ARHGAP17: variants seen among roughly 807,000 people sequenced by gnomAD.
ARHGAP17 encodes the protein Rho GTPase activating protein 17, also known as rho GTPase-activating protein 17.
Under a neutral mutation model 99.5 loss-of-function variants are expected in ARHGAP17, and 57 were observed. The observed-to-expected ratio is 0.57, with a 90% CI of 0.46 to 0.71. ARHGAP17 has a LOEUF of 0.71. ARHGAP17 is among the 30% of genes least tolerant of loss of function. The pLI is 0.00. For missense variants in ARHGAP17, 1,000 were observed against 1,122.4 expected, an observed-to-expected ratio of 0.89 and a Z score of 1.56; for synonymous variants, 417 against 429.6, an observed-to-expected ratio of 0.97 and a Z score of 0.36.
chr16:24,982,671 T>C (rs1204094683), intron 1 of ARHGAP17, among the ~76,000 whole-genome samples: 1 of 152,100 alleles, frequency 6.6e-6, no homozygotes, highest in Admixed American at 6.5e-5. Context: ...GTCCAAGCCT[T>C]GGTGCTTCCT....
At chr16:25,013,330 A>T (rs2053691621) in intron 1 of ARHGAP17, among the ~76,000 whole-genome samples, 1 of 152,186 alleles carries the variant, frequency 6.6e-6, no homozygotes, top group South Asian at 2.1e-4. Context: ...CGGAATTTTA[A>T]AATGTGAAGG....
intron 1 of ARHGAP17, among the ~76,000 whole-genome samples, chr16:25,005,839 T>C (rs1327068802): frequency 1.3e-5 from 2 of 152,238 alleles, no homozygotes; most frequent in Non-Finnish European, 2.9e-5. Flanking sequence ...AAATGTGATA[T>C]TCATCATGTC....
At chr16:24,995,775 T>TA (rs899447276) in intron 1 of ARHGAP17, among the ~76,000 whole-genome samples, 87 of 147,512 alleles carry the variant, frequency 5.9e-4, no homozygotes, top group Middle Eastern at 3.5e-3. Flanking sequence ...GCAGCAAATG[T>TA]AAAAAAAAAA....
At position 24,920,073 on chromosome 16, in the gene ARHGAP17, C is replaced by T. The variant is rs1054414959; in HGVS notation, c.*57G>A. ...TCGGTCTGCAAAGAAAGAGGTTCGCCTGCCCCTGCTCCACTCGCCAGGGTG... is the reference window on the plus strand; with the variant it reads ...TCGGTCTGCAAAGAAAGAGGTTCGCTTGCCCCTGCTCCACTCGCCAGGGTG... On this transcript the variant is annotated 3_prime_UTR_variant, in exon 20 of 20. Coordinates refer to ENST00000289968, the MANE Select transcript of ARHGAP17 (RefSeq NM_001006634.3). The T allele has an allele frequency of 7.5e-6, 12 of 1,592,298 alleles. No homozygotes were observed. The highest frequency in any genetic ancestry group is 2.1e-4 in the Middle Eastern group (1 of 4,784).
In ARHGAP17 at chr16:24,978,952, C is replaced by T. The variant is rs1333278100; in HGVS notation, c.93+14G>A. ...CTTTAAACAGATCATTTAAAGGAGA[C>T]TATATTTTGTTACCTGTAATAGATC... is the stretch of plus-strand genomic sequence containing the variant. On this transcript the variant is annotated intron_variant, in intron 2 of 19. Coordinates refer to ENST00000289968, the MANE Select transcript of ARHGAP17 (RefSeq NM_001006634.3). 3 of 1,572,864 alleles carry T rather than the reference C, an allele frequency of 1.9e-6. No individual in the cohort carries two copies. Among genetic ancestry groups the T allele is most frequent in the African/African-American group, 2.8e-5 (2 of 72,076 alleles).
At chr16:24,954,155 TG>T (rs1378287924) in intron 10 of ARHGAP17, among the ~76,000 whole-genome samples, 1 of 152,126 alleles carries the variant, frequency 6.6e-6, no homozygotes, top group Non-Finnish European at 1.5e-5. Flanking sequence ...ATTTGGTTCA[TG>T]GGGGGTTTGG....
rs370938803 is a variant in ARHGAP17 at position 24,930,747 on chromosome 16, G to A, written c.2515+37C>T. 9 of 1,614,098 alleles carry A rather than the reference G, an allele frequency of 5.6e-6. No homozygotes were observed. The African/African-American group carries it at 6.7e-5, about 12-fold the overall frequency. On this transcript the variant is annotated intron_variant, in intron 19 of 19. Transcript: ENST00000289968. Reference sequence around the variant, plus strand: ...TGTAGTAGTACAAAAGCAATGTAGAGCAGACGAGGAAATACGGGCATTGAT... The same window carrying A: ...TGTAGTAGTACAAAAGCAATGTAGAACAGACGAGGAAATACGGGCATTGAT...
intron 4 of ARHGAP17, 92 bp from the exon 5 acceptor site, chr16:24,968,864 G>T: frequency 8.3e-7 from 1 of 1,208,892 alleles, no homozygotes; most frequent in South Asian, 1.3e-5. Context: ...CATACAACAG[G>T]AACGCATTAG....
At position 24,947,614 on chromosome 16, in the gene ARHGAP17, G is replaced by C; in HGVS notation, c.1128-19C>G. The C allele has an allele frequency of 6.3e-7, 1 of 1,592,270 alleles. No individual in the cohort carries two copies. Among genetic ancestry groups the C allele is most frequent in the Admixed American group, 1.7e-5 (1 of 59,990 alleles). On this transcript the variant is annotated intron_variant, in intron 13 of 19. Transcript: ENST00000289968. ...CAAATATCTAGGGGTCAAAAGAGAAGGGGAGGGTTTCTCCTCTGAAATAGC... is the reference window on the plus strand; with the variant it reads ...CAAATATCTAGGGGTCAAAAGAGAACGGGAGGGTTTCTCCTCTGAAATAGC...
intron 17 of ARHGAP17, among the ~76,000 whole-genome samples, chr16:24,938,258 G>A (rs571602506): frequency 1.3e-3 from 191 of 152,122 alleles, no homozygotes; most frequent in African/African-American, 3.6e-3. Context: ...CAGCTACTCC[G>A]GAGGCTGAGG....
chr16:24,981,534 C>T (rs557050355), intron 1 of ARHGAP17, among the ~76,000 whole-genome samples: 31 of 152,074 alleles, frequency 2.0e-4, no homozygotes, highest in African/African-American at 6.8e-4. Context: ...ATAACCCAAA[C>T]GATAGTTTAC....
At chr16:24,985,950 A>G (rs1375190651) in intron 1 of ARHGAP17, among the ~76,000 whole-genome samples, 1 of 152,196 alleles carries the variant, frequency 6.6e-6, no homozygotes, top group Non-Finnish European at 1.5e-5. Context: ...TTATGCCTGT[A>G]CATTAACCTA....
At chr16:24,948,442 G>GT (rs1459652982) in intron 13 of ARHGAP17, among the ~76,000 whole-genome samples, 2 of 152,066 alleles carry the variant, frequency 1.3e-5, no homozygotes, top group African/African-American at 4.8e-5. Flanking sequence ...ATTTTTCATC[G>GT]TATACCATTT....
intron 1 of ARHGAP17, among the ~76,000 whole-genome samples, chr16:24,982,984 ATATATATATATATTTTTTTTTTTTT>A (rs2052732264): frequency 3.6e-5 from 1 of 28,012 alleles, no homozygotes; most frequent in African/African-American, 2.1e-4. Flanking sequence ...ATATATATAT[ATATATATATATATTTTTTTTTTTTT>A]TTTTTTTTTT....
intron 1 of ARHGAP17, among the ~76,000 whole-genome samples, chr16:25,006,713 T>TC (rs2053517398): frequency 6.6e-6 from 1 of 152,158 alleles, no homozygotes; most frequent in Admixed American, 6.5e-5. Context: ...GTAAACTTTT[T>TC]CACAAAGCAA....
In ARHGAP17 at chr16:24,931,410, C is replaced by T. The variant is rs775152772; in HGVS notation, c.1895-6G>A. 6 of 1,498,016 alleles carry T rather than the reference C, an allele frequency of 4.0e-6. No individual in the cohort carries two copies. The highest frequency in any genetic ancestry group is 4.4e-6 in the Non-Finnish European group (5 of 1,126,446). The allele number at this position is 1,498,016 out of a possible 1,614,324, so 92.8% of individuals were successfully genotyped here. On this transcript the variant is annotated splice_region_variant and splice_polypyrimidine_tract_variant and intron_variant, in intron 18 of 19. Coordinates refer to ENST00000289968, the MANE Select transcript of ARHGAP17 (RefSeq NM_001006634.3). ...TGGAGCGGGTTTTTTAACAGCTGCA[C>T]AAAAAGAGAAAAAACACCTTTCAGT...
intron 10 of ARHGAP17, among the ~76,000 whole-genome samples, chr16:24,953,433 G>A (rs2051704918): frequency 6.6e-6 from 1 of 152,178 alleles, no homozygotes; most frequent in Non-Finnish European, 1.5e-5. Flanking sequence ...CTGGTGGGAG[G>A]TGACTGGATC....
intron 19 of ARHGAP17, 158 bp downstream of exon 19, chr16:24,930,625 TA>T: frequency 1.6e-6 from 2 of 1,254,320 alleles, no homozygotes; most frequent in Non-Finnish European, 2.3e-6. Context: ...TGTGTTCCAA[TA>T]AAACTTTAAT....
rs137909974 is a variant in ARHGAP17 at position 24,937,767 on chromosome 16, C to G, written c.1724+1597G>C. ...ACACACAACAAGGCTCTCCCTTGCT[C>G]ATCCCAAGGACGATGAGAAAGGAGT... On this transcript the variant is annotated intron_variant, in intron 17 of 19. Coordinates refer to ENST00000289968, the MANE Select transcript of ARHGAP17 (RefSeq NM_001006634.3). 1.2e-3 allele frequency among the ~76,000 whole-genome samples: 186 copies of G among 152,356 alleles called. No homozygotes were observed. In the South Asian group the frequency reaches 0.025, roughly 20 times the overall value.
Sources: allele counts gnomAD v4.1 joint callset (sites outside exome capture counted in the v4.1 genomes callset), GRCh38; gene constraint gnomAD v4.1.1; transcripts MANE v1.5; gene names NCBI Gene and HGNC (gene_info 2026-07-23, HGNC 2026-07-21).